Variants in SYT1 observed in about 807,000 individuals in gnomAD.
SYT1 encodes the protein synaptotagmin 1, also known as synaptotagmin-1.
A neutral mutation model predicts 44.8 loss-of-function variants in SYT1; 8 were observed. The ratio of observed to expected loss-of-function variants is 0.18; its 90% CI spans 0.10 to 0.32. The LOEUF is 0.32. Among genes scored for constraint, SYT1 ranks in the 10% least tolerant of loss-of-function variants. The pLI, the probability that SYT1 is intolerant of heterozygous loss-of-function variation, is 1.00. For synonymous variants in SYT1, 154 were observed against 188.8 expected, an observed-to-expected ratio of 0.82 and a Z score of 1.51; for missense variants, 286 against 509.3, an observed-to-expected ratio of 0.56 and a Z score of 4.22.
intron 3 of SYT1, among the ~76,000 whole-genome samples, chr12:79,118,637 A>G (rs534554231): frequency 3.3e-5 from 5 of 152,218 alleles, no homozygotes; most frequent in African/African-American, 1.2e-4. Flanking sequence ...GATCTAGTCA[A>G]TCATTGTACA....
At chr12:79,373,351 G>C (rs1883868473) in intron 9 of SYT1, among the ~76,000 whole-genome samples, 1 of 151,902 alleles carries the variant, frequency 6.6e-6, no homozygotes, top group Non-Finnish European at 1.5e-5. Context: ...GACCACTATA[G>C]TAATATAAAA....
At chr12:79,266,187 AG>A (rs919435159) in intron 4 of SYT1, among the ~76,000 whole-genome samples, 4 of 152,198 alleles carry the variant, frequency 2.6e-5, no homozygotes, top group Non-Finnish European at 5.9e-5. Flanking sequence ...ATTTCATGGA[AG>A]GCAAAGGAAA....
chr12:79,217,528 C>G lies in SYT1; in HGVS notation c.9C>G (p.Ser3Arg), dbSNP rs747445457. MV[S>R]ESHHEALAAP... ...CTTCACCTGAACCTAAAATGGTGAG[C>G]GAGAGTCACCATGAGGCCCTGGCAG... The change falls in exon 4 of 11, where the codon AGC (serine) becomes AGG (arginine). Residue 3 changes from serine (S) to arginine (R), a missense_variant. By Grantham distance (110) the Ser-to-Arg change is moderately radical (BLOSUM62 -1). This residue lies in a region of SYT1 where 141 missense variants were observed against 165.7 expected (regional missense o/e 0.85). Transcript: ENST00000261205. The G allele has an allele frequency of 3.1e-6, 5 of 1,593,256 alleles. No individual in the cohort carries two copies. The highest frequency in any genetic ancestry group is 1.7e-4 in the Middle Eastern group (1 of 5,990).
chr12:79,222,150 A>C (rs1875201774), intron 4 of SYT1, among the ~76,000 whole-genome samples: 1 of 152,042 alleles, frequency 6.6e-6, no homozygotes, highest in African/African-American at 2.4e-5. Context: ...TTCTGTTGAG[A>C]AGTTGGCTGC....
At chr12:79,298,298 T>A (rs946844726) in intron 7 of SYT1, among the ~76,000 whole-genome samples, 1 of 152,156 alleles carries the variant, frequency 6.6e-6, no homozygotes, top group African/African-American at 2.4e-5. Context: ...AAAAGGATGA[T>A]GCTTACTTTT....
rs866568078 is a variant in SYT1 at position 79,039,126 on chromosome 12, G to A, written c.-83-8171G>A. Among the ~76,000 whole-genome samples, 77 of 152,100 alleles carry A rather than the reference G, an allele frequency of 5.1e-4. 1 individual carries two copies. The Middle Eastern group carries it at 0.014, about 27-fold the overall frequency. On this transcript the variant is annotated intron_variant, in intron 2 of 10. Coordinates refer to ENST00000261205, the MANE Select transcript of SYT1 (RefSeq NM_005639.3). ...TAGACTATGGTTAGGTCTACAGGGT[G>A]TGAGCAGTTTGCTTTCTAGCCTCTG...
intron 3 of SYT1, among the ~76,000 whole-genome samples, chr12:79,124,344 ACC>A (rs2138147497): frequency 8.3e-6 from 1 of 119,800 alleles, no homozygotes; most frequent in African/African-American, 3.2e-5. Context: ...AGACAATACC[ACC>A]AAAGCTCTCA....
chr12:79,362,566 T>A (rs1409928457), intron 9 of SYT1, among the ~76,000 whole-genome samples: 1 of 152,044 alleles, frequency 6.6e-6, no homozygotes, highest in Non-Finnish European at 1.5e-5. Flanking sequence ...GAAAAGACAG[T>A]GGTATTAGAT....
chr12:79,136,332 T>G (rs1427912060), intron 3 of SYT1, among the ~76,000 whole-genome samples: 1 of 152,162 alleles, frequency 6.6e-6, no homozygotes, highest in Non-Finnish European at 1.5e-5. Flanking sequence ...GGAAAAATAA[T>G]GAAGATGTTA....
intron 1 of SYT1, among the ~76,000 whole-genome samples, chr12:78,954,505 T>C (rs1249524392): frequency 1.3e-5 from 2 of 151,890 alleles, no homozygotes; most frequent in African/African-American, 4.8e-5. Flanking sequence ...GCTTTTCTTA[T>C]AATAAAAATA....
At chr12:79,313,679 A>G (rs937942268) in intron 8 of SYT1, among the ~76,000 whole-genome samples, 13 of 151,832 alleles carry the variant, frequency 8.6e-5, no homozygotes, top group African/African-American at 2.4e-5. Context: ...AGACAGAACT[A>G]CAGGGTAGAT....
At chr12:79,398,882 C>A (rs1026308148) in intron 9 of SYT1, among the ~76,000 whole-genome samples, 9 of 152,078 alleles carry the variant, frequency 5.9e-5, no homozygotes, top group African/African-American at 1.9e-4. Flanking sequence ...ACAGTAATTC[C>A]TTTTACAGTA....
chr12:79,203,957 T>C (rs1183810919), intron 3 of SYT1, among the ~76,000 whole-genome samples: 3 of 152,220 alleles, frequency 2.0e-5, no homozygotes, highest in African/African-American at 7.2e-5. Flanking sequence ...GTTGGACACA[T>C]TGTAGACACA....
At chr12:79,447,036 T>A (rs1870774099) in intron 10 of SYT1, among the ~76,000 whole-genome samples, 1 of 152,156 alleles carries the variant, frequency 6.6e-6, no homozygotes, top group Non-Finnish European at 1.5e-5. Flanking sequence ...ATATTGAAAG[T>A]GAAGCACATT....
chr12:79,293,890 T>C (rs1879757459), intron 6 of SYT1, among the ~76,000 whole-genome samples: 1 of 152,222 alleles, frequency 6.6e-6, no homozygotes, highest in East Asian at 1.9e-4. Context: ...GTTAATTACA[T>C]CTGATATTTG....
intron 3 of SYT1, among the ~76,000 whole-genome samples, chr12:79,136,723 A>G (rs1393325166): frequency 6.6e-6 from 1 of 152,202 alleles, no homozygotes; most frequent in Non-Finnish European, 1.5e-5. Context: ...TGCTAAACTG[A>G]AAAACAATAT....
At chr12:79,236,435 G>A (rs1422586341) in intron 4 of SYT1, among the ~76,000 whole-genome samples, 2 of 151,990 alleles carry the variant, frequency 1.3e-5, no homozygotes, top group Admixed American at 1.3e-4. Flanking sequence ...AGTCTGTGGT[G>A]TTCTCCCATC....
chr12:79,141,813 C>T (rs908091178), intron 3 of SYT1, among the ~76,000 whole-genome samples: 1 of 152,052 alleles, frequency 6.6e-6, no homozygotes, highest in African/African-American at 2.4e-5. Context: ...TTATGGAGCC[C>T]ATATTTTCTA....
intron 1 of SYT1, among the ~76,000 whole-genome samples, chr12:78,899,205 T>G (rs1444103258): frequency 6.6e-6 from 1 of 152,054 alleles, no homozygotes; most frequent in Non-Finnish European, 1.5e-5. Flanking sequence ...TAATTGAGAT[T>G]ATTGCTGAAA....
Sources: gnomAD v4.1 joint callset for allele counts (sites outside exome capture counted in the v4.1 genomes callset) on GRCh38, gnomAD v4.1.1 for gene constraint, gnomAD v4.1.1 regional missense constraint, MANE v1.5 for transcripts, NCBI Gene and HGNC (gene_info 2026-07-23, HGNC 2026-07-21) for gene names.